GRIA1: variants seen among roughly 807,000 people sequenced by gnomAD.
GRIA1 encodes glutamate receptor 1.
In GRIA1, 31 loss-of-function variants were observed where a neutral mutation model predicts 99.2. The observed-to-expected ratio is 0.31, with a 90% confidence interval of 0.23 to 0.42. GRIA1 has a LOEUF of 0.42. Among genes scored for constraint, GRIA1 ranks in the 10% least tolerant of loss-of-function variants. The pLI is 1.00. For missense variants in GRIA1, 782 were observed against 1,157.5 expected (o/e 0.68, Z 4.71); for synonymous variants, 438 against 432.4 (o/e 1.01, Z -0.16).
chr5:153,748,188 GA>G (rs1427694724), intron 11 of GRIA1, among the ~76,000 whole-genome samples: 1 of 152,188 alleles, frequency 6.6e-6, no homozygotes, highest in African/African-American at 2.4e-5. Context: ...TGAAAGAAAT[GA>G]AAAAAATAAG....
chr5:153,725,730 T>A (rs1760471288), intron 11 of GRIA1, among the ~76,000 whole-genome samples: 3 of 114,130 alleles, frequency 2.6e-5, no homozygotes, highest in East Asian at 5.4e-4. Flanking sequence ...GAGCACCCAG[T>A]TTCATAAAGC....
intron 11 of GRIA1, among the ~76,000 whole-genome samples, chr5:153,722,995 C>T (rs937866904): frequency 1.3e-5 from 2 of 152,162 alleles, no homozygotes; most frequent in Non-Finnish European, 2.9e-5. Flanking sequence ...GTAGAAAAGA[C>T]ATCCTTTAGC....
intron 2 of GRIA1, among the ~76,000 whole-genome samples, chr5:153,547,923 G>A (rs1759757784): frequency 6.6e-6 from 1 of 152,134 alleles, no homozygotes; most frequent in Non-Finnish European, 1.5e-5. Flanking sequence ...GTATAGGTCA[G>A]ATATAATTAT....
At chr5:153,506,314 A>AGG (rs3222488) in intron 2 of GRIA1, among the ~76,000 whole-genome samples, 20 of 88,344 alleles carry the variant, frequency 2.3e-4, no homozygotes, top group South Asian at 5.4e-4. Flanking sequence ...GATGGCAAGA[A>AGG]GGGTGTGTGT....
chr5:153,780,560 T>G lies in GRIA1; in HGVS notation c.2270+10145T>G, dbSNP rs574095805. Among the ~76,000 whole-genome samples the G allele has an allele frequency of 1.2e-3, 176 of 152,374 alleles. 5 individuals carry two copies. The South Asian group carries it at 0.036, about 31-fold the overall frequency. On this transcript the variant is annotated intron_variant, in intron 13 of 15. Transcript: ENST00000285900. ...TGATTAGATGAGATAATACAAAGTG[T>G]TTAGCACAGTGCCTGGCACATAGTA...
chr5:153,681,956 C>T (rs1411302520), intron 7 of GRIA1, among the ~76,000 whole-genome samples: 2 of 151,646 alleles, frequency 1.3e-5, no homozygotes, highest in African/African-American at 2.4e-5. Flanking sequence ...ATCACTTGAA[C>T]GCAGGAGGCA....
At chr5:153,808,143 G>T (rs968277601) in intron 15 of GRIA1, among the ~76,000 whole-genome samples, 14 of 152,194 alleles carry the variant, frequency 9.2e-5, no homozygotes, top group Non-Finnish European at 1.6e-4. Context: ...AAAGCAAGTG[G>T]CTGAGAAGTT....
At chr5:153,528,431 G>T (rs1757806692) in intron 2 of GRIA1, among the ~76,000 whole-genome samples, 1 of 152,160 alleles carries the variant, frequency 6.6e-6, no homozygotes, top group Non-Finnish European at 1.5e-5. Flanking sequence ...TACAGGCTCA[G>T]AGGACTAAAC....
At chr5:153,748,372 C>T (rs1006786042) in intron 11 of GRIA1, among the ~76,000 whole-genome samples, 9 of 152,058 alleles carry the variant, frequency 5.9e-5, no homozygotes, top group Non-Finnish European at 1.2e-4. Context: ...GGAAAGACTT[C>T]GGTGTTTTCT....
chr5:153,671,941 T>C (rs2149482451), intron 5 of GRIA1, among the ~76,000 whole-genome samples: 1 of 152,282 alleles, frequency 6.6e-6, no homozygotes, highest in South Asian at 2.1e-4. Context: ...GGCACTGAGA[T>C]AGAGCAGACT....
intron 13 of GRIA1, among the ~76,000 whole-genome samples, chr5:153,784,132 C>A (rs1764815143): frequency 6.6e-6 from 1 of 152,074 alleles, no homozygotes; most frequent in East Asian, 1.9e-4. Context: ...GCAATTATTC[C>A]CATTTTACAA....
chr5:153,557,923 TA>T (rs1760797115), intron 2 of GRIA1: 2 of 152,230 alleles, frequency 1.3e-5, no homozygotes, highest in Non-Finnish European at 2.9e-5. Context: ...TACCTTTTTT[TA>T]TAAGTAGAAA....
intron 5 of GRIA1, among the ~76,000 whole-genome samples, chr5:153,666,384 G>A (rs1173474024): frequency 1.3e-5 from 2 of 152,132 alleles, no homozygotes; most frequent in African/African-American, 4.8e-5. Context: ...AGTGCTGTGT[G>A]GTTCACATTT....
At chr5:153,501,044 C>A (rs1754966642) in intron 2 of GRIA1, among the ~76,000 whole-genome samples, 1 of 152,162 alleles carries the variant, frequency 6.6e-6, no homozygotes, top group South Asian at 2.1e-4. Context: ...AAGTTCTCTA[C>A]CTTTGGCTAG....
intron 11 of GRIA1, among the ~76,000 whole-genome samples, chr5:153,751,728 G>C (rs996403144): frequency 2.0e-5 from 3 of 152,216 alleles, no homozygotes; most frequent in Non-Finnish European, 4.4e-5. Context: ...AACAAGAAAT[G>C]CCTATCGGAA....
chr5:153,771,101 G>C (rs1763856452), intron 13 of GRIA1, among the ~76,000 whole-genome samples: 1 of 152,148 alleles, frequency 6.6e-6, no homozygotes, highest in Non-Finnish European at 1.5e-5. Context: ...AATTCTGACT[G>C]TCTTACAAAA....
intron 11 of GRIA1, among the ~76,000 whole-genome samples, chr5:153,707,459 G>A (rs1165749335): frequency 1.3e-5 from 2 of 152,272 alleles, no homozygotes; most frequent in African/African-American, 2.4e-5. Flanking sequence ...TGATAAATAA[G>A]CACTGACTCT....
At chr5:153,729,300 G>A (rs1241538114) in intron 11 of GRIA1, among the ~76,000 whole-genome samples, 2 of 151,690 alleles carry the variant, frequency 1.3e-5, no homozygotes, top group Non-Finnish European at 2.9e-5. Flanking sequence ...CGAGTTAATG[G>A]GTGCAGCACA....
intron 7 of GRIA1, among the ~76,000 whole-genome samples, chr5:153,680,149 C>T (rs1581456957): frequency 6.6e-6 from 1 of 152,120 alleles, no homozygotes; most frequent in South Asian, 2.1e-4. Flanking sequence ...ACCTCAAGGG[C>T]ACGGCCAAAC....
Sources: allele counts gnomAD v4.1 joint callset (sites outside exome capture counted in the v4.1 genomes callset), GRCh38; gene constraint gnomAD v4.1.1; transcripts MANE v1.5; gene names NCBI Gene and HGNC (gene_info 2026-07-23, HGNC 2026-07-21).